TUSC3: variants seen among roughly 807,000 people sequenced by gnomAD.
The protein encoded by TUSC3 is tumor suppressor candidate 3, also known as dolichyl-diphosphooligosaccharide--protein glycosyltransferase subunit TUSC3.
TUSC3 carries 45 observed loss-of-function variants against 44.8 expected under a neutral mutation model. That is an observed-to-expected ratio of 1.00 (90% confidence interval 0.79 to 1.29). The LOEUF is 1.29. Ranked by LOEUF, TUSC3 falls within the 50% of genes most tolerant of loss-of-function variation. The pLI is 0.00. For synonymous variants in TUSC3, 212 were observed against 152.9 expected (o/e 1.39, Z -2.85); for missense variants, 519 against 437.9 (o/e 1.19, Z -1.65).
chr8:15,486,590 G>A (rs577547936), intron 2 of TUSC3, among the ~76,000 whole-genome samples: 2 of 151,764 alleles, frequency 1.3e-5, no homozygotes, highest in East Asian at 1.9e-4. Flanking sequence ...GATTACAGGC[G>A]CCCGCCACCA....
chr8:15,525,455 C>T (rs954943152), intron 2 of TUSC3, among the ~76,000 whole-genome samples: 5 of 152,172 alleles, frequency 3.3e-5, no homozygotes, highest in African/African-American at 1.2e-4. Context: ...AATAGTCCTA[C>T]TATTATTTTT....
intron 6 of TUSC3, among the ~76,000 whole-genome samples, chr8:15,718,963 A>G (rs1810182319): frequency 6.6e-6 from 1 of 152,036 alleles, no homozygotes; most frequent in African/African-American, 2.4e-5. Context: ...CCTTTAAAAT[A>G]TATTCAGGAT....
chr8:15,472,529 G>C (rs1213846596), intron 1 of TUSC3, among the ~76,000 whole-genome samples: 1 of 152,002 alleles, frequency 6.6e-6, no homozygotes, highest in East Asian at 1.9e-4. Flanking sequence ...AACCTCTCTG[G>C]TCACCTCAAT....
chr8:15,427,213 G>A (rs1186357203), intron 1 of TUSC3, among the ~76,000 whole-genome samples: 1 of 133,026 alleles, frequency 7.5e-6, no homozygotes, highest in Non-Finnish European at 1.6e-5. Context: ...TTGTCTAACG[G>A]TGCAGAAGGT....
the TUSC3 span, among the ~76,000 whole-genome samples, chr8:15,791,869 T>G: frequency 1.8e-4 from 28 of 152,288 alleles, no homozygotes; most frequent in African/African-American, 6.3e-4. Context: ...AAACAAGTGG[T>G]AATCTCTCAG....
intron 1 of TUSC3, among the ~76,000 whole-genome samples, chr8:15,554,600 A>ATTTTTTTTTTTTTTT (rs376264004): frequency 9.0e-6 from 1 of 111,654 alleles, no homozygotes. Flanking sequence ...TTTTACTATA[A>ATTTTTTTTTTTTTTT]TTTTTTTTTT....
At chr8:15,649,918 A>T (rs1585192802) in intron 2 of TUSC3, among the ~76,000 whole-genome samples, 1 of 152,314 alleles carries the variant, frequency 6.6e-6, no homozygotes, top group East Asian at 1.9e-4. Context: ...TTTATTTTTT[A>T]AAAATGTTTT....
intron 1 of TUSC3, among the ~76,000 whole-genome samples, chr8:15,481,570 C>T (rs1428002356): frequency 6.6e-6 from 1 of 151,960 alleles, no homozygotes; most frequent in Non-Finnish European, 1.5e-5. Flanking sequence ...AGGTTTTGTT[C>T]CAGACCACCG....
At chr8:15,652,504 C>A (rs1806957543) in intron 3 of TUSC3, among the ~76,000 whole-genome samples, 1 of 152,002 alleles carries the variant, frequency 6.6e-6, no homozygotes, top group Non-Finnish European at 1.5e-5. Flanking sequence ...TCTATAGGAG[C>A]AATAAATTTG....
At chr8:15,535,377 T>G (rs1338916188), upstream of TUSC3, among the ~76,000 whole-genome samples, 2 of 152,178 alleles carry the variant, frequency 1.3e-5, no homozygotes, top group Non-Finnish European at 2.9e-5. Flanking sequence ...GAGAATGACA[T>G]GATTAGTGCT....
intron 6 of TUSC3, among the ~76,000 whole-genome samples, chr8:15,680,286 T>C (rs140876478): frequency 6.2e-4 from 94 of 152,094 alleles, no homozygotes; most frequent in African/African-American, 2.2e-3. Flanking sequence ...GTTGTCCTTA[T>C]AGAGATCTTT....
At chr8:15,668,647 A>C (rs976487694) in intron 5 of TUSC3, among the ~76,000 whole-genome samples, 4 of 150,022 alleles carry the variant, frequency 2.7e-5, no homozygotes, top group Non-Finnish European at 5.9e-5. Context: ...GTGACTCTCA[A>C]AGAAAACACA....
At chr8:15,581,545 C>T (rs978044516) in intron 1 of TUSC3, among the ~76,000 whole-genome samples, 3 of 148,256 alleles carry the variant, frequency 2.0e-5, no homozygotes, top group African/African-American at 7.6e-5. Flanking sequence ...CAGACAGGAC[C>T]CTCAGCTGCA....
intron 6 of TUSC3, among the ~76,000 whole-genome samples, chr8:15,715,746 A>C (rs1810031568): frequency 6.6e-6 from 1 of 152,060 alleles, no homozygotes; most frequent in Admixed American, 6.6e-5. Flanking sequence ...TCTCTATTTT[A>C]GAAAAAAAAA....
intron 9 of TUSC3, among the ~76,000 whole-genome samples, chr8:15,756,310 C>G (rs961336604): frequency 2.6e-5 from 4 of 152,138 alleles, no homozygotes; most frequent in African/African-American, 9.7e-5. Context: ...GTTTCTTAAT[C>G]TGTAAACTTG....
At chr8:15,776,060 T>C in the TUSC3 span, among the ~76,000 whole-genome samples, 1 of 152,180 alleles carries the variant, frequency 6.6e-6, no homozygotes, top group East Asian at 1.9e-4. Context: ...ATTCTCCAAA[T>C]ACAGAATAGT....
the TUSC3 span, among the ~76,000 whole-genome samples, chr8:15,797,863 CTG>C: frequency 6.6e-6 from 1 of 152,190 alleles, no homozygotes; most frequent in Non-Finnish European, 1.5e-5. Flanking sequence ...GGAGCAATAA[CTG>C]AATTCAAGTT....
At chr8:15,651,992 A>G (rs1230007182) in intron 3 of TUSC3, among the ~76,000 whole-genome samples, 1 of 152,214 alleles carries the variant, frequency 6.6e-6, no homozygotes, top group African/African-American at 2.4e-5. Flanking sequence ...GAATGCAGAA[A>G]TTGTTGCTTG....
chr8:15,465,944 A>G (rs1800407526), intron 1 of TUSC3, among the ~76,000 whole-genome samples: 1 of 152,218 alleles, frequency 6.6e-6, no homozygotes, highest in South Asian at 2.1e-4. Context: ...CAGGGAATAA[A>G]CATTGAAATT....
Sources: allele counts gnomAD v4.1 joint callset (sites outside exome capture counted in the v4.1 genomes callset), GRCh38; gene constraint gnomAD v4.1.1; transcripts MANE v1.5; gene names NCBI Gene and HGNC (gene_info 2026-07-23, HGNC 2026-07-21).